Variants in CDK10 observed in about 807,000 individuals in gnomAD.
CDK10 encodes the protein cyclin dependent kinase 10.
In CDK10, 55 loss-of-function variants were observed where a neutral mutation model predicts 51.0. That is an observed-to-expected ratio of 1.08 (90% CI 0.87 to 1.35). The LOEUF (loss-of-function observed/expected upper bound fraction) is 1.35, where lower values mean the gene tolerates loss of function less well. Among genes scored for constraint, CDK10 ranks in the 40% most tolerant of loss-of-function variants. The pLI, the probability that CDK10 is intolerant of heterozygous loss-of-function variation, is 0.00. For synonymous variants in CDK10, 255 were observed against 199.1 expected (o/e 1.28, Z -2.36); for missense variants, 589 against 485.1 (o/e 1.21, Z -2.01).
At chr16:89,692,389 G>A in intron 5 of CDK10, 60 bp from the exon 6 acceptor site, 1 of 1,324,324 alleles carries the variant, frequency 7.6e-7, no homozygotes. Flanking sequence ...GGGTGTGGCA[G>A]GGCCCAGCTG....
Position 89,690,251 on chromosome 16 carries a change from G to T in CDK10, c.161-302G>T, listed in dbSNP as rs1180625112. ...GGACATTACAAGAGAGCACAAAGCA[G>T]TGATCTGCATGCTAAGGAGGACATG... On this transcript the variant is annotated intron_variant, in intron 2 of 12. Transcript: ENST00000353379. 3 of 438,506 alleles carry T rather than the reference G, an allele frequency of 6.8e-6. No homozygotes were observed. The Admixed American group carries it at 1.1e-4, about 16-fold the overall frequency. The allele number at this position is 438,506 out of a possible 1,614,324, so 27.2% of individuals were successfully genotyped here.
In CDK10 at chr16:89,686,730, A is replaced by G. The variant is rs1375243070; in HGVS notation, c.20A>G (p.Glu7Gly). 2 of 1,609,760 alleles carry G rather than the reference A, an allele frequency of 1.2e-6. No individual in the cohort carries two copies. Among genetic ancestry groups the G allele is most frequent in the Non-Finnish European group, 1.7e-6 (2 of 1,178,232 alleles). ...CTCGGCATGGCGGAGCCAGATCTGG[A>G]GTGCGAGCAGATCCGTCTGAAGTGT... MAEPDL[E>G]CEQIRLKCIR... Residue 7 changes from glutamate (E) to glycine (G), a missense_variant, in exon 1 of 13, where the codon GAG becomes GGG. Transcript: ENST00000353379.
rs769458087 is a variant in CDK10, at chr16:89,695,659, C to G, written c.1050C>G (p.Thr350=). ...HHRNKRAAPA[T]SEGQSKRCKP is the part of the protein sequence containing the mutation. ...GCAACAAGCGGGCCGCCCCAGCCACCTCCGAGGGCCAGAGCAAGCGCTGTA... is the reference window on the plus strand; with the variant it reads ...GCAACAAGCGGGCCGCCCCAGCCACGTCCGAGGGCCAGAGCAAGCGCTGTA... Residue 350 remains threonine, a synonymous_variant, in exon 13 of 13, where the codon ACC becomes ACG. Coordinates refer to ENST00000353379, the MANE Select transcript of CDK10 (RefSeq NM_052988.5). The G allele has an allele frequency of 1.5e-5, 24 of 1,603,250 alleles. No individual in the cohort carries two copies. The South Asian group carries it at 2.0e-4, about 13-fold the overall frequency.
intron 8 of CDK10, 41 bp downstream of exon 8, chr16:89,693,508 C>T: frequency 6.3e-7 from 1 of 1,591,086 alleles, no homozygotes; most frequent in Non-Finnish European, 8.6e-7. Flanking sequence ...GGGACCAGGC[C>T]TGTCTGGTGG....
intron 9 of CDK10, 188 bp from the exon 10 acceptor site, chr16:89,694,477 A>T: frequency 9.3e-7 from 1 of 1,072,272 alleles, no homozygotes; most frequent in East Asian, 2.6e-5. Context: ...TGCACTTGTC[A>T]CCCCGGGAGG....
At chr16:89,693,011 G>A (rs1597861409) in intron 6 of CDK10, among the ~76,000 whole-genome samples, 1 of 151,094 alleles carries the variant, frequency 6.6e-6, no homozygotes, top group South Asian at 2.1e-4. Context: ...GGTGGCGGGC[G>A]CCTGTAGTCC....
intron 6 of CDK10, among the ~76,000 whole-genome samples, chr16:89,692,931 A>C (rs2060518890): frequency 6.6e-6 from 1 of 152,076 alleles, no homozygotes; most frequent in African/African-American, 2.4e-5. Flanking sequence ...AGGTCAGGAG[A>C]TCGAGACCAT....
chr16:89,695,380 G>T (rs2060673067), intron 12 of CDK10, 35 bp downstream of exon 12: 1 of 1,599,364 alleles, frequency 6.3e-7, no homozygotes, highest in Admixed American at 1.7e-5. Context: ...GCTCTGTGGG[G>T]TATGGCTGGG....
chr16:89,694,391 C>T (rs1166898247), intron 9 of CDK10, 159 bp downstream of exon 9: 2 of 899,292 alleles, frequency 2.2e-6, no homozygotes, highest in Non-Finnish European at 3.5e-6. Context: ...CCTGGAAACC[C>T]AGGAGGAGGT....
chr16:89,695,808 C>T lies in CDK10; in HGVS notation c.*116C>T, dbSNP rs574109375. 1.3e-6 allele frequency: 2 copies of T among 1,554,394 alleles called. No homozygotes were observed. Among genetic ancestry groups the T allele is most frequent in the African/African-American group, 1.4e-5 (1 of 73,994 alleles). ...CCCGGGATCCAGCTCATCCCCTTGGCTGGGAACATCCTCCACTGACTTCCT... is the reference window on the plus strand; with the variant it reads ...CCCGGGATCCAGCTCATCCCCTTGGTTGGGAACATCCTCCACTGACTTCCT... On this transcript the variant is annotated 3_prime_UTR_variant, in exon 13 of 13. Coordinates refer to ENST00000353379, the MANE Select transcript of CDK10 (RefSeq NM_052988.5).
At chr16:89,691,146 G>A (rs1177602302) in intron 3 of CDK10, among the ~76,000 whole-genome samples, 5 of 152,142 alleles carry the variant, frequency 3.3e-5, no homozygotes, top group Non-Finnish European at 7.4e-5. Flanking sequence ...TTAGCCAGGC[G>A]TGGTGGCACA....
intron 1 of CDK10, among the ~76,000 whole-genome samples, chr16:89,689,024 C>G (rs914558809): frequency 1.3e-5 from 2 of 152,132 alleles, no homozygotes; most frequent in Non-Finnish European, 2.9e-5. Context: ...CACTTGAACC[C>G]AGGAGGCGGA....
chr16:89,690,033 C>G (rs1444195996), intron 2 of CDK10: 2 of 157,998 alleles, frequency 1.3e-5, no homozygotes, highest in African/African-American at 4.8e-5. Flanking sequence ...CCACTGCACC[C>G]CAGCCTTGGC....
rs574347638 is a variant in CDK10 at position 89,693,562 on chromosome 16, G to A, written c.608+95G>A. 2.4e-6 allele frequency: 3 copies of A among 1,250,268 alleles called. No individual in the cohort carries two copies. The Admixed American group carries it at 5.4e-5, about 23-fold the overall frequency. 77.4% of individuals were successfully genotyped at this position (1,250,268 alleles called of 1,614,324 possible). A position where few individuals can be genotyped will look rare whatever the true frequency, so the allele number is the denominator to read the frequency against. On this transcript the variant is annotated intron_variant, in intron 8 of 12. Transcript: ENST00000353379. ...CAGGCCGAAGCTGCAACTGGCCTTG[G>A]GAATGTTAAGCTACAGGGTCTGTGC... is the stretch of plus-strand genomic sequence containing the variant.
intron 12 of CDK10, 71 bp from the exon 13 acceptor site, chr16:89,695,524 G>C: frequency 6.5e-7 from 1 of 1,537,970 alleles, no homozygotes. Context: ...GGCAGAGCTG[G>C]ACTCAGACCT....
In CDK10 at chr16:89,695,000, A is replaced by G; in HGVS notation, c.862A>G (p.Lys288Glu). 1 of 1,613,470 alleles carries G rather than the reference A, an allele frequency of 6.2e-7. No homozygotes were observed. The highest frequency in any genetic ancestry group is 1.1e-5 in the South Asian group (1 of 91,088). The part of the protein sequence containing the change: ...RKQPYNNLKH[K>E]FPWLSEAGLR... ...GCAGCCCTACAACAACCTGAAGCAC[A>G]AGTTCCCATGGCTGTCGGAGGCCGG... The change falls in exon 11 of 13, where the codon AAG becomes GAG. Residue 288 changes from lysine (K) to glutamate (E), a missense_variant. Lys to Glu is a moderately conservative substitution (Grantham distance 56, BLOSUM62 1). Transcript: ENST00000353379.
chr16:89,689,558 C>T (rs1482422578), intron 2 of CDK10: 2 of 544,734 alleles, frequency 3.7e-6, no homozygotes, highest in East Asian at 6.2e-5. Context: ...AAACGTGTCA[C>T]TGCAGAGTAC....
chr16:89,692,194 T>G (rs1476008744), intron 5 of CDK10: 1 of 521,688 alleles, frequency 1.9e-6, no homozygotes, highest in South Asian at 2.4e-5. Flanking sequence ...CGGGGAGCCC[T>G]GGGCGGAGAG....
At position 89,696,342 on chromosome 16, in the gene CDK10, CTTT is replaced by C. The variant is rs71812713; in HGVS notation, c.*654_*656del. 0.043 allele frequency: 8,373 copies of C among 193,940 alleles called. 772 individuals carry two copies. The highest frequency in any genetic ancestry group is 0.38 in the East Asian group (2,718 of 7,154). The allele number at this position is 193,940 out of a possible 1,614,324, so 12.0% of individuals were successfully genotyped here. A position where few individuals can be genotyped will look rare whatever the true frequency, so the allele number is the denominator to read the frequency against. On this transcript the variant is annotated 3_prime_UTR_variant, in exon 13 of 13. Transcript: ENST00000353379. ...GCTATAGGCTCTTGTTGGATAAAAG[CTTT>C]TTTAACAGACATGGTTTCACCAGCG...
Sources: allele counts gnomAD v4.1 joint callset (sites outside exome capture counted in the v4.1 genomes callset), GRCh38; gene constraint gnomAD v4.1.1; transcripts MANE v1.5; gene names NCBI Gene and HGNC (gene_info 2026-07-23, HGNC 2026-07-21).